Variants in NRP2 observed in about 807,000 individuals in gnomAD.
NRP2 encodes neuropilin 2, also known as neuropilin-2.
In NRP2, 52 loss-of-function variants were observed where a neutral mutation model predicts 110.4. The observed-to-expected ratio is 0.47, with a 90% CI of 0.38 to 0.59. The LOEUF (loss-of-function observed/expected upper bound fraction) is 0.59, where lower values mean the gene tolerates loss of function less well. Among genes scored for constraint, NRP2 ranks in the 20% least tolerant of loss-of-function variants. The pLI is 0.00. For missense variants in NRP2, 1,049 were observed against 1,203.0 expected (o/e 0.87, Z 1.89); for synonymous variants, 508 against 468.9 (o/e 1.08, Z -1.08).
Position 205,730,197 on chromosome 2 carries a change from A to G in NRP2, c.1146+2151A>G, listed in dbSNP as rs2057209300. Among the ~76,000 whole-genome samples, 3 of 152,240 alleles carry G rather than the reference A, an allele frequency of 2.0e-5. 1 individual carries two copies. The highest frequency in any genetic ancestry group is 2.0e-4 in the Admixed American group (3 of 15,290). ...CAAGGATGGTCTCAGCTGCCCCTTC[A>G]TTAGCAGATCTTTCGTTCAGATATC... On this transcript the variant is annotated intron_variant, in intron 7 of 16. Transcript: ENST00000357785.
intron 2 of NRP2, chr2:205,700,581 G>A: frequency 2.7e-6 from 1 of 375,906 alleles, no homozygotes; most frequent in East Asian, 7.3e-5. Flanking sequence ...CCTGGGCTGT[G>A]GCCCCTGGGC....
At chr2:205,731,588 T>G (rs991573318) in intron 7 of NRP2, among the ~76,000 whole-genome samples, 4 of 152,184 alleles carry the variant, frequency 2.6e-5, no homozygotes, top group African/African-American at 9.6e-5. Flanking sequence ...GCAAAAGCCC[T>G]TATCTTCAGT....
intron 15 of NRP2, among the ~76,000 whole-genome samples, chr2:205,791,229 T>A (rs16837671): frequency 6.6e-6 from 1 of 152,218 alleles, no homozygotes; most frequent in Non-Finnish European, 1.5e-5. Context: ...CTTTTAAGCC[T>A]TGATTTTTGG....
chr2:205,773,241 GT>G (rs1441872026), intron 15 of NRP2, among the ~76,000 whole-genome samples: 1 of 152,220 alleles, frequency 6.6e-6, no homozygotes, highest in Non-Finnish European at 1.5e-5. Context: ...GCTAGTGAAT[GT>G]TCTGAGAAAC....
chr2:205,739,260 G>T (rs921680412), intron 7 of NRP2, among the ~76,000 whole-genome samples: 1 of 152,172 alleles, frequency 6.6e-6, no homozygotes, highest in Non-Finnish European at 1.5e-5. Flanking sequence ...CTAAAAACTT[G>T]GCAAGGATGT....
chr2:205,724,610 G>A (rs2057089872), intron 5 of NRP2, among the ~76,000 whole-genome samples: 1 of 138,230 alleles, frequency 7.2e-6, no homozygotes, highest in Non-Finnish European at 1.5e-5. Flanking sequence ...TTGGACATGT[G>A]TTTCAAATAT....
chr2:205,742,339 TG>T (rs1384826061), intron 8 of NRP2, among the ~76,000 whole-genome samples: 3 of 152,144 alleles, frequency 2.0e-5, no homozygotes, highest in African/African-American at 4.8e-5. Context: ...ACAAAATAGA[TG>T]GGGTCTCTGA....
chr2:205,732,734 T>G (rs2057264275), intron 7 of NRP2, among the ~76,000 whole-genome samples: 1 of 152,230 alleles, frequency 6.6e-6, no homozygotes, highest in African/African-American at 2.4e-5. Flanking sequence ...TGGACCATGA[T>G]AAGTCATCCA....
chr2:205,777,114 G>T (rs1490722167), intron 15 of NRP2: 1 of 987,196 alleles, frequency 1.0e-6, no homozygotes. Context: ...TACAAGTTTT[G>T]TTTACTTGGA....
chr2:205,749,686 T>A, intron 10 of NRP2, 39 bp from the exon 11 acceptor site: 1 of 1,536,296 alleles, frequency 6.5e-7, no homozygotes, highest in Non-Finnish European at 9.0e-7. Context: ...CAACACAGGC[T>A]GCTACAGCAT....
At chr2:205,692,775 C>G (rs2056339953) in intron 1 of NRP2, among the ~76,000 whole-genome samples, 1 of 152,166 alleles carries the variant, frequency 6.6e-6, no homozygotes, top group Non-Finnish European at 1.5e-5. Context: ...GTCTTATTGT[C>G]TAGGAGGGTA....
Position 205,766,820 on chromosome 2 carries a change from T to TA in NRP2, c.2425+26dup, listed in dbSNP as rs760959467. 45 of 1,607,486 alleles carry TA rather than the reference T, an allele frequency of 2.8e-5. No homozygotes were observed. The highest frequency in any genetic ancestry group is 2.0e-4 in the East Asian group (9 of 44,836). ...CTTTTGCAGGTGAGAATTTTAAAGGTAAAAAAAAATTTTTTTTTTGCATGC... is the reference window on the plus strand; with the variant it reads ...CTTTTGCAGGTGAGAATTTTAAAGGTAAAAAAAAAATTTTTTTTTTGCATGC... On this transcript the variant is annotated intron_variant, in intron 15 of 16. Coordinates refer to ENST00000357785, the MANE Select transcript of NRP2 (RefSeq NM_003872.3).
At chr2:205,727,862 G>T (rs750766455) in intron 6 of NRP2, 29 bp from the exon 7 acceptor site, 3 of 1,601,370 alleles carry the variant, frequency 1.9e-6, no homozygotes, top group Non-Finnish European at 2.6e-6. Flanking sequence ...GGGAATGGTG[G>T]TCTCTTACTC....
chr2:205,707,323 C>A (rs1198425678), intron 2 of NRP2, among the ~76,000 whole-genome samples: 1 of 152,236 alleles, frequency 6.6e-6, no homozygotes, highest in Admixed American at 6.5e-5. Flanking sequence ...GTGCTAGATT[C>A]AGAATCTCCG....
intron 1 of NRP2, among the ~76,000 whole-genome samples, chr2:205,692,446 G>T (rs956211042): frequency 4.6e-5 from 7 of 152,210 alleles, no homozygotes; most frequent in African/African-American, 1.7e-4. Flanking sequence ...TCCCGGGTTG[G>T]TGAGCAAAAT....
chr2:205,728,083 C>T, intron 7 of NRP2, 37 bp downstream of exon 7: 1 of 1,613,374 alleles, frequency 6.2e-7, no homozygotes, highest in Non-Finnish European at 8.5e-7. Context: ...CACATTGGAC[C>T]AGGGCAGGAG....
chr2:205,715,447 AC>A (rs1307057346), intron 2 of NRP2, among the ~76,000 whole-genome samples: 1 of 152,174 alleles, frequency 6.6e-6, no homozygotes, highest in Non-Finnish European at 1.5e-5. Context: ...CTGGAGACTC[AC>A]CCCTGCTTTT....
In NRP2 at chr2:205,730,132, G is replaced by A. The variant is rs988398344; in HGVS notation, c.1146+2086G>A. On this transcript the variant is annotated intron_variant, in intron 7 of 16. Transcript: ENST00000357785. ...TCTCCAAGCTCCTTCACCCCACTGC[G>A]GGTGTGGTGGACGCCCAGGGGCTTT... Among the ~76,000 whole-genome samples, 9 of 152,214 alleles carry A rather than the reference G, an allele frequency of 5.9e-5. No homozygotes were observed. In the South Asian group the frequency reaches 6.2e-4, roughly 11 times the overall value.
At chr2:205,733,976 C>T (rs2057292599) in intron 7 of NRP2, among the ~76,000 whole-genome samples, 1 of 152,234 alleles carries the variant, frequency 6.6e-6, no homozygotes, top group South Asian at 2.1e-4. Context: ...TGCGCACATC[C>T]CCGCCCCCCA....
Sources: allele counts gnomAD v4.1 joint callset (sites outside exome capture counted in the v4.1 genomes callset), GRCh38; gene constraint gnomAD v4.1.1; transcripts MANE v1.5; gene names NCBI Gene and HGNC (gene_info 2026-07-23, HGNC 2026-07-21).